The following ZFYVE28 variants were observed in gnomAD, a reference collection of about 807,000 sequenced individuals.
ZFYVE28 encodes zinc finger FYVE-type containing 28, also known as lateral signaling target protein 2 homolog.
A neutral mutation model predicts 82.1 loss-of-function variants in ZFYVE28; 40 were observed. The ratio of observed to expected loss-of-function variants is 0.49; its 90% CI spans 0.38 to 0.63. ZFYVE28 has a LOEUF of 0.63. Ranked by LOEUF, ZFYVE28 falls within the 30% of genes least tolerant of loss-of-function variation. The pLI is 0.00. For synonymous variants in ZFYVE28, 612 were observed against 546.1 expected (o/e 1.12, Z -1.68); for missense variants, 1,321 against 1,242.1 (o/e 1.06, Z -0.96).
intron 1 of ZFYVE28, among the ~76,000 whole-genome samples, chr4:2,391,129 G>A (rs941296593): frequency 1.3e-5 from 2 of 152,230 alleles, no homozygotes; most frequent in East Asian, 1.9e-4. Flanking sequence ...GGCCGTGCCC[G>A]CCGCAGCCCT....
At chr4:2,274,326 C>A in intron 8 of ZFYVE28, 110 bp from the exon 9 acceptor site, 2 of 1,350,306 alleles carry the variant, frequency 1.5e-6, no homozygotes, top group Non-Finnish European at 2.0e-6. Flanking sequence ...ACGCTCACCC[C>A]ACAGGCGTGT....
chr4:2,273,060 C>T (rs1736058361), intron 10 of ZFYVE28, 113 bp downstream of exon 10: 3 of 856,430 alleles, frequency 3.5e-6, no homozygotes, highest in East Asian at 2.5e-5. Flanking sequence ...ATTGCTTGGT[C>T]GGGACCCTAT....
chr4:2,331,035 C>A, intron 6 of ZFYVE28: 2 of 1,336,166 alleles, frequency 1.5e-6, no homozygotes, highest in Non-Finnish European at 9.8e-7. Context: ...CTGGGATGGG[C>A]TGGAAGGAGG....
At position 2,418,313 on chromosome 4, in the gene ZFYVE28, C is replaced by T; in HGVS notation, c.11G>A (p.Arg4Lys). Residue 4 changes from arginine (R) to lysine (K), a missense_variant, in exon 1 of 13, where the codon AGG (arginine) becomes AAG (lysine). Around this residue, in one of 2 missense-constraint regions of ZFYVE28, gnomAD observed 343 missense variants for 408.4 expected, o/e 0.84. Coordinates refer to ENST00000290974, the MANE Select transcript of ZFYVE28 (RefSeq NM_020972.3). This position sits in a 1 kb window ranked among gnomAD's most constrained non-coding sequence, Gnocchi z 4.6. ...GGGTTTGTAGAGCCACTTTCGGAAC[C>T]TGTTCATCATCGCCGCGCCGGCCCT... The part of the protein sequence containing the change: MMN[R>K]FRKWLYKPKR... 6.5e-7 allele frequency: 1 copy of T among 1,531,354 alleles called. No individual in the cohort carries two copies. The allele number at this position is 1,531,354 out of a possible 1,614,324, so 94.9% of individuals were successfully genotyped here.
At chr4:2,274,816 C>T (rs1339717690) in intron 8 of ZFYVE28, among the ~76,000 whole-genome samples, 1 of 147,394 alleles carries the variant, frequency 6.8e-6, no homozygotes, top group African/African-American at 2.7e-5. Context: ...ACCACGGAGG[C>T]TGAGACCGGA....
intron 1 of ZFYVE28, among the ~76,000 whole-genome samples, chr4:2,358,037 G>A (rs1420203499): frequency 2.0e-5 from 3 of 152,122 alleles, no homozygotes; most frequent in East Asian, 1.9e-4. Context: ...ACAAAGCCCC[G>A]GACCAAAGAG....
chr4:2,278,378 G>C (rs1418324153), intron 8 of ZFYVE28, among the ~76,000 whole-genome samples: 1 of 151,906 alleles, frequency 6.6e-6, no homozygotes, highest in Non-Finnish European at 1.5e-5. Context: ...AGCGGAGATG[G>C]GGTTTCACCA....
At chr4:2,293,784 T>C (rs1714123448) in intron 8 of ZFYVE28, among the ~76,000 whole-genome samples, 1 of 143,984 alleles carries the variant, frequency 6.9e-6, no homozygotes, top group East Asian at 2.0e-4. Context: ...TTCTAGAAGA[T>C]CTACAAAAAT....
intron 3 of ZFYVE28, among the ~76,000 whole-genome samples, chr4:2,340,435 T>TCGCCAG (rs1322922306): frequency 2.6e-5 from 4 of 152,070 alleles, no homozygotes; most frequent in Non-Finnish European, 5.9e-5. Flanking sequence ...GGCCGGGGCC[T>TCGCCAG]CGCCAGGTTT....
chr4:2,415,450 C>CCACACACACACA (rs1560365768), intron 1 of ZFYVE28, among the ~76,000 whole-genome samples: 124 of 50,998 alleles, frequency 2.4e-3, no homozygotes, highest in Non-Finnish European at 3.2e-3. Context: ...GACCCTGTCT[C>CCACACACACACA]TACACACACA....
Position 2,362,002 on chromosome 4 carries a change from C to T in ZFYVE28, c.40-7929G>A, listed in dbSNP as rs1188509586. On this transcript the variant is annotated intron_variant, in intron 1 of 12. Coordinates refer to ENST00000290974, the MANE Select transcript of ZFYVE28 (RefSeq NM_020972.3). This position sits in a 1 kb window ranked among gnomAD's most constrained non-coding sequence, Gnocchi z 5.1. ...CCCCAACAAGGGACGGAAGCCCAGT[C>T]CAGCTCCTACTGCCTCCCTCCCCAC... Among the ~76,000 whole-genome samples, 1 of 152,026 alleles carries T rather than the reference C, an allele frequency of 6.6e-6. No homozygotes were observed.
chr4:2,401,837 G>A (rs990861929), intron 1 of ZFYVE28, among the ~76,000 whole-genome samples: 1 of 152,232 alleles, frequency 6.6e-6, no homozygotes, highest in South Asian at 2.1e-4. Context: ...GGTAGCGGGG[G>A]TCCCGGCCCA....
chr4:2,354,047 C>T lies in ZFYVE28; in HGVS notation c.66G>A (p.Arg22=), dbSNP rs1277592984. The T allele has an allele frequency of 1.9e-6, 3 of 1,574,530 alleles. No homozygotes were observed. Among genetic ancestry groups the T allele is most frequent in the East Asian group, 4.8e-5 (2 of 41,712 alleles). Residue 22 remains arginine, a synonymous_variant, in exon 2 of 13, where the codon CGG becomes CGA. Coordinates refer to ENST00000290974, the MANE Select transcript of ZFYVE28 (RefSeq NM_020972.3). ...PKRSDPQLLA[R]FYYADEELNQ... is the part of the protein sequence containing the mutation. The stretch of plus-strand genomic sequence containing the variant: ...TCAGCTCCTCGTCGGCATAGTAGAA[C>T]CGGGCAAGCAGCTGCGGATCCGACC...
intron 1 of ZFYVE28, among the ~76,000 whole-genome samples, chr4:2,356,322 C>A (rs1725309281): frequency 6.6e-6 from 1 of 152,222 alleles, no homozygotes; most frequent in Non-Finnish European, 1.5e-5. Context: ...CGCTCTCCGG[C>A]AGATGCTGCC....
chr4:2,418,489 G>A lies in ZFYVE28; in HGVS notation c.-166C>T, dbSNP rs1372149882. 4 of 352,360 alleles carry A rather than the reference G, an allele frequency of 1.1e-5. No homozygotes were observed. Among genetic ancestry groups the A allele is most frequent in the Non-Finnish European group, 1.6e-5 (4 of 247,638 alleles). The allele number at this position is 352,360 out of a possible 1,614,324, so 21.8% of individuals were successfully genotyped here. On this transcript the variant is annotated 5_prime_UTR_variant, in exon 1 of 13. Coordinates refer to ENST00000290974, the MANE Select transcript of ZFYVE28 (RefSeq NM_020972.3). This position sits in a 1 kb window ranked among gnomAD's most constrained non-coding sequence, Gnocchi z 4.6. ...GGAGCGCCGAGCGGGCGGCGGGCAG[G>A]TGCGCGGGGCAGGTGCGCGGCCCTG...
chr4:2,304,980 T>C lies in ZFYVE28; in HGVS notation c.1360A>G (p.Lys454Glu). 1.2e-6 allele frequency: 2 copies of C among 1,612,680 alleles called. No individual in the cohort carries two copies. The highest frequency in any genetic ancestry group is 1.7e-6 in the Non-Finnish European group (2 of 1,179,862). ...TTGTTGTTGCTCAAGTCCTCCTCCTTTTCCGAGGCGGGCAAGCTGATCCCC... is the reference window on the plus strand; with the variant it reads ...TTGTTGTTGCTCAAGTCCTCCTCCTCTTCCGAGGCGGGCAAGCTGATCCCC... ...AAGISLPASE[K>E]EEDLSNNNLE... The change falls in exon 8 of 13, where the codon AAG (lysine) becomes GAG (glutamate). Residue 454 changes from lysine (K) to glutamate (E), a missense_variant. Lys to Glu is a moderately conservative substitution (Grantham distance 56, BLOSUM62 1). This residue lies in a region of ZFYVE28 where 978 missense variants were observed against 833.7 expected (regional missense o/e 1.17). Coordinates refer to ENST00000290974, the MANE Select transcript of ZFYVE28 (RefSeq NM_020972.3).
In ZFYVE28 at chr4:2,320,131, C is replaced by A; in HGVS notation, c.803+39G>T. The A allele has an allele frequency of 6.4e-7, 1 of 1,551,330 alleles. No individual in the cohort carries two copies. On this transcript the variant is annotated intron_variant, in intron 7 of 12. Coordinates refer to ENST00000290974, the MANE Select transcript of ZFYVE28 (RefSeq NM_020972.3). The surrounding 1 kb of genome is among the most constrained non-coding windows in gnomAD (Gnocchi z 5.1). Reference sequence around the variant, plus strand: ...CAGCGCCCACCTGTGGCCCTCCTGTCCCCCTCCCCTCCCCCACCTCCTCTA... The same window carrying A: ...CAGCGCCCACCTGTGGCCCTCCTGTACCCCTCCCCTCCCCCACCTCCTCTA...
At chr4:2,406,083 G>GGAAAC (rs1731881088) in intron 1 of ZFYVE28, among the ~76,000 whole-genome samples, 1 of 127,084 alleles carries the variant, frequency 7.9e-6, no homozygotes, top group Non-Finnish European at 1.6e-5. Flanking sequence ...AGAAAGGAAA[G>GGAAAC]AAAATTAGCC....
intron 1 of ZFYVE28, chr4:2,364,706 G>A (rs1454843129): frequency 3.0e-6 from 3 of 985,378 alleles, no homozygotes; most frequent in Non-Finnish European, 3.6e-6. Flanking sequence ...GCGTCTCGCC[G>A]TCAGGGGTGA....
Sources: gnomAD v4.1 joint callset for allele counts (sites outside exome capture counted in the v4.1 genomes callset) on GRCh38, gnomAD v4.1.1 for gene constraint, gnomAD v4.1.1 regional missense constraint, Gnocchi (gnomAD v3.1) non-coding constraint, MANE v1.5 for transcripts, NCBI Gene and HGNC (gene_info 2026-07-23, HGNC 2026-07-21) for gene names.